FMN2: variants seen among roughly 807,000 people sequenced by gnomAD.
The protein encoded by FMN2 is formin-2.
A neutral mutation model predicts 142.3 loss-of-function variants in FMN2; 51 were observed. The observed-to-expected ratio is 0.36, with a 90% CI of 0.29 to 0.45. The LOEUF is 0.45. Among genes scored for constraint, FMN2 ranks in the 20% least tolerant of loss-of-function variants. FMN2 has a pLI of 1.00. For missense variants in FMN2, 1,936 were observed against 2,122.8 expected (o/e 0.91, Z 1.73); for synonymous variants, 882 against 869.8 (o/e 1.01, Z -0.25).
chr1:240,159,046 C>T lies in FMN2; in HGVS notation c.1783-18875C>T, dbSNP rs572228327. On this transcript the variant is annotated intron_variant, in intron 2 of 17. Transcript: ENST00000319653. ...CCCGTTCAACCTGACTGCTTTGTTT[C>T]CCTTAATTCTGGGATTTTCCATCAT... Among the ~76,000 whole-genome samples the T allele has an allele frequency of 6.4e-4, 97 of 152,146 alleles. 2 individuals are homozygous for T. Among genetic ancestry groups the T allele is most frequent in the Non-Finnish European group, 4.9e-4 (33 of 67,988 alleles).
chr1:240,204,133 C>CT (rs559548915), intron 4 of FMN2, among the ~76,000 whole-genome samples: 3,947 of 148,386 alleles, frequency 0.027, 143 homozygotes, highest in African/African-American at 0.082. Flanking sequence ...AGGGCTACTT[C>CT]TTTTTTTTTT....
At chr1:240,417,740 A>T (rs538875227) in intron 15 of FMN2, among the ~76,000 whole-genome samples, 164 of 152,324 alleles carry the variant, frequency 1.1e-3, no homozygotes, top group African/African-American at 3.8e-3. Flanking sequence ...TATTATTTTT[A>T]AAATCCATGA....
chr1:240,159,974 T>TATATATACACACAC lies in FMN2; in HGVS notation c.1783-17946_1783-17945insTATATACACACACA, dbSNP rs1202421069. On this transcript the variant is annotated intron_variant, in intron 2 of 17. Coordinates refer to ENST00000319653, the MANE Select transcript of FMN2 (RefSeq NM_020066.5). ...ATCTATATCTGTGTATATATATATA[T>TATATATACACACAC]ACACACACACACACACACACACACA... Among the ~76,000 whole-genome samples the TATATATACACACAC allele has an allele frequency of 8.1e-4, 109 of 134,068 alleles. 1 individual carries two copies. The highest frequency in any genetic ancestry group is 1.5e-3 in the Admixed American group (20 of 12,942). 88.0% of individuals were successfully genotyped at this position (134,068 alleles called of 152,430 possible).
At chr1:240,401,444 G>A (rs910036969) in intron 15 of FMN2, among the ~76,000 whole-genome samples, 5 of 152,088 alleles carry the variant, frequency 3.3e-5, no homozygotes, top group African/African-American at 4.8e-5. Flanking sequence ...AAATACACGG[G>A]GAAGTTTCAT....
intron 15 of FMN2, among the ~76,000 whole-genome samples, chr1:240,437,394 T>C (rs892403777): frequency 2.5e-4 from 38 of 149,528 alleles, no homozygotes; most frequent in East Asian, 1.5e-3. Flanking sequence ...CCTGGGTTCA[T>C]GCCATTCTCC....
At chr1:240,405,921 G>T (rs1303953371) in intron 15 of FMN2, among the ~76,000 whole-genome samples, 1 of 152,076 alleles carries the variant, frequency 6.6e-6, no homozygotes. Context: ...TACATTACAC[G>T]CCCAAAGGCA....
intron 16 of FMN2, among the ~76,000 whole-genome samples, chr1:240,461,235 A>T (rs1273077184): frequency 6.6e-6 from 1 of 152,232 alleles, no homozygotes; most frequent in Non-Finnish European, 1.5e-5. Flanking sequence ...CAAGTCTGCC[A>T]CAAATTAGTG....
intron 16 of FMN2, among the ~76,000 whole-genome samples, chr1:240,439,279 A>AAAAAAAGAAAGAAAG (rs555074808): frequency 1.1e-4 from 14 of 124,722 alleles, no homozygotes; most frequent in Non-Finnish European, 1.9e-4. Flanking sequence ...TCAAAAAAAA[A>AAAAAAAGAAAGAAAG]AAAGAAAGAA....
chr1:240,296,438 C>CTTTTTTTT (rs772711130), intron 8 of FMN2, among the ~76,000 whole-genome samples: 11 of 46,914 alleles, frequency 2.3e-4, no homozygotes, highest in Non-Finnish European at 3.2e-4. Flanking sequence ...TCTTTGAGTG[C>CTTTTTTTT]TTTTTTTTTT....
chr1:240,163,651 T>C (rs1035377769), intron 2 of FMN2, among the ~76,000 whole-genome samples: 6 of 152,090 alleles, frequency 3.9e-5, no homozygotes, highest in African/African-American at 1.4e-4. Flanking sequence ...GACAGTCTTT[T>C]GTTTTTTACT....
At chr1:240,257,353 A>C (rs1668480649) in intron 6 of FMN2, among the ~76,000 whole-genome samples, 1 of 152,218 alleles carries the variant, frequency 6.6e-6, no homozygotes, top group Admixed American at 6.5e-5. Flanking sequence ...GTTAATTAGT[A>C]GGAAAGTTCT....
intron 16 of FMN2, among the ~76,000 whole-genome samples, chr1:240,455,639 C>A (rs1676212677): frequency 6.6e-6 from 1 of 152,050 alleles, no homozygotes; most frequent in Non-Finnish European, 1.5e-5. Flanking sequence ...GCTCATGCTA[C>A]TGTACTCTGG....
intron 13 of FMN2, among the ~76,000 whole-genome samples, chr1:240,350,347 A>G (rs1672050836): frequency 1.3e-5 from 2 of 152,190 alleles, no homozygotes; most frequent in East Asian, 1.9e-4. Context: ...TAATATCCCT[A>G]TTAAGGAAAG....
At chr1:240,464,970 G>A (rs1253664209) in intron 16 of FMN2, among the ~76,000 whole-genome samples, 1 of 152,134 alleles carries the variant, frequency 6.6e-6, no homozygotes, top group Non-Finnish European at 1.5e-5. Flanking sequence ...ATAAATAGGT[G>A]CCTGAGGAAG....
chr1:240,143,797 CA>C, intron 2 of FMN2: 1 of 1,512,192 alleles, frequency 6.6e-7, no homozygotes, highest in East Asian at 2.3e-5. Context: ...TGCAGGACCC[CA>C]CTGCTATCAT....
At chr1:240,199,111 C>T (rs200433367) in intron 4 of FMN2, among the ~76,000 whole-genome samples, 2 of 86,242 alleles carry the variant, frequency 2.3e-5, no homozygotes, top group East Asian at 6.3e-4. Flanking sequence ...TCTCAAAAAA[C>T]AAACAAACAA....
rs1316923117 is a variant in FMN2 at position 240,474,747 on chromosome 1, G to A, written c.*593G>A. ...TTACTGAAGTCATATAATGACTTGGGTCAGCTCGTAATGCATTGTGATGGT... is the reference window on the plus strand; with the variant it reads ...TTACTGAAGTCATATAATGACTTGGATCAGCTCGTAATGCATTGTGATGGT... On this transcript the variant is annotated 3_prime_UTR_variant, in exon 18 of 18. Coordinates refer to ENST00000319653, the MANE Select transcript of FMN2 (RefSeq NM_020066.5). The A allele has an allele frequency of 6.6e-6, 1 of 152,438 alleles. No homozygotes were observed. The highest frequency in any genetic ancestry group is 1.5e-5 in the Non-Finnish European group (1 of 68,014). 9.4% of individuals were successfully genotyped at this position (152,438 alleles called of 1,614,324 possible). A position where few individuals can be genotyped will look rare whatever the true frequency, so the allele number is the denominator to read the frequency against.
intron 13 of FMN2, among the ~76,000 whole-genome samples, chr1:240,345,507 G>T (rs902088877): frequency 1.3e-5 from 2 of 152,116 alleles, no homozygotes; most frequent in Admixed American, 1.3e-4. Flanking sequence ...GTCTTGCTCT[G>T]TCGCCCAGGC....
chr1:240,126,384 C>G (rs1329072983), intron 2 of FMN2, among the ~76,000 whole-genome samples: 1 of 150,386 alleles, frequency 6.6e-6, no homozygotes, highest in Non-Finnish European at 1.5e-5. Context: ...ACTTTGTTCC[C>G]TTCCCTGATG....
Sources: allele counts gnomAD v4.1 joint callset (sites outside exome capture counted in the v4.1 genomes callset), GRCh38; gene constraint gnomAD v4.1.1; transcripts MANE v1.5; gene names NCBI Gene and HGNC (gene_info 2026-07-23, HGNC 2026-07-21).